Variants in PTPRT observed in about 807,000 individuals in gnomAD.
PTPRT encodes the protein receptor-type tyrosine-protein phosphatase T.
A neutral mutation model predicts 176.8 loss-of-function variants in PTPRT; 56 were observed. The ratio of observed to expected loss-of-function variants is 0.32; its 90% CI spans 0.26 to 0.40. The LOEUF is 0.40. PTPRT is among the 10% of genes least tolerant of loss of function. The pLI is 1.00. For synonymous variants in PTPRT, 783 were observed against 739.0 expected (o/e 1.06, Z -0.96); for missense variants, 1,540 against 1,908.2 (o/e 0.81, Z 3.60).
rs539323627 is a variant in PTPRT, at chr20:42,496,082, G to A, written c.1154-23520C>T. Among the ~76,000 whole-genome samples, 8 of 152,198 alleles carry A rather than the reference G, an allele frequency of 5.3e-5. No individual in the cohort carries two copies. The East Asian group carries it at 1.5e-3, about 29-fold the overall frequency. Reference sequence around the variant, plus strand: ...ATATTATTAGGGAAATCATAAAGAGGAGAAAATCTATTTACTATTCATTAA... The same window carrying A: ...ATATTATTAGGGAAATCATAAAGAGAAGAAAATCTATTTACTATTCATTAA... On this transcript the variant is annotated intron_variant, in intron 7 of 30. Coordinates refer to ENST00000373187, the MANE Select transcript of PTPRT (RefSeq NM_007050.6).
intron 8 of PTPRT, among the ~76,000 whole-genome samples, chr20:42,454,309 T>G (rs1370372060): frequency 6.6e-6 from 1 of 152,246 alleles, no homozygotes; most frequent in African/African-American, 2.4e-5. Context: ...AATACTTTTG[T>G]ATATTTGATT....
chr20:43,036,984 CT>C (rs1244959113), intron 1 of PTPRT, among the ~76,000 whole-genome samples: 2 of 152,156 alleles, frequency 1.3e-5, no homozygotes, highest in Non-Finnish European at 2.9e-5. Flanking sequence ...ATAGCTGGTT[CT>C]TTTCAAAAGA....
chr20:42,254,745 T>G (rs2056608519), intron 13 of PTPRT, among the ~76,000 whole-genome samples: 2 of 152,184 alleles, frequency 1.3e-5, no homozygotes, highest in Non-Finnish European at 2.9e-5. Flanking sequence ...GAGGTCATTA[T>G]GGTTCCAAAG....
At chr20:42,213,111 C>T (rs1310961546) in intron 15 of PTPRT, among the ~76,000 whole-genome samples, 5 of 152,166 alleles carry the variant, frequency 3.3e-5, no homozygotes, top group African/African-American at 4.8e-5. Flanking sequence ...CAGCAGCATC[C>T]GCTTCACCTG....
At chr20:42,039,214 T>C in the PTPRT span, among the ~76,000 whole-genome samples, 3 of 152,206 alleles carry the variant, frequency 2.0e-5, no homozygotes, top group South Asian at 2.1e-4. Context: ...AAAATGTTTA[T>C]TTTAATTGAC....
chr20:43,109,657 G>A (rs143129406), intron 1 of PTPRT, among the ~76,000 whole-genome samples: 1 of 152,062 alleles, frequency 6.6e-6, no homozygotes, highest in African/African-American at 2.4e-5. Context: ...CCAAGAAAAA[G>A]GAAATAAAGA....
Position 42,518,645 on chromosome 20 carries a change from G to T in PTPRT, c.1154-46083C>A, listed in dbSNP as rs143029902. ...TAATTCTTTGTGTGTGCGCACGTGC[G>T]TGAGTATGTGTATTGTCTTTCTTCC... is the stretch of plus-strand genomic sequence containing the variant. On this transcript the variant is annotated intron_variant, in intron 7 of 30. Coordinates refer to ENST00000373187, the MANE Select transcript of PTPRT (RefSeq NM_007050.6). Among the ~76,000 whole-genome samples the T allele has an allele frequency of 2.9e-3, 434 of 152,000 alleles. 3 individuals are homozygous for T. The highest frequency in any genetic ancestry group is 9.3e-3 in the African/African-American group (387 of 41,518).
intron 26 of PTPRT, among the ~76,000 whole-genome samples, chr20:42,100,750 ACATG>A (rs1190717451): frequency 2.0e-5 from 3 of 152,198 alleles, no homozygotes; most frequent in Non-Finnish European, 4.4e-5. Flanking sequence ...ACATACACAT[ACATG>A]CGCTCATTGA....
intron 1 of PTPRT, among the ~76,000 whole-genome samples, chr20:42,949,831 G>GA (rs1469847214): frequency 5.3e-5 from 8 of 152,130 alleles, no homozygotes; most frequent in Non-Finnish European, 1.2e-4. Context: ...ACCCTGGCCA[G>GA]AAAAAATCTC....
chr20:42,702,596 G>A (rs909300768), intron 6 of PTPRT, among the ~76,000 whole-genome samples: 2 of 152,168 alleles, frequency 1.3e-5, no homozygotes, highest in African/African-American at 4.8e-5. Context: ...CATAAACAGT[G>A]GCCGTCCAGC....
In PTPRT at chr20:42,511,313, A is replaced by C. The variant is rs1399409389; in HGVS notation, c.1154-38751T>G. On this transcript the variant is annotated intron_variant, in intron 7 of 30. Coordinates refer to ENST00000373187, the MANE Select transcript of PTPRT (RefSeq NM_007050.6). The stretch of plus-strand genomic sequence containing the variant: ...TTAACCTGTTCTGCAAATAATAATA[A>C]ACTCTTGATACAACAGACTTATCCT... 3.3e-5 allele frequency among the ~76,000 whole-genome samples: 5 copies of C among 152,132 alleles called. No individual in the cohort carries two copies. The South Asian group carries it at 8.3e-4, about 25-fold the overall frequency.
chr20:42,668,940 G>C (rs1208999034), intron 7 of PTPRT, among the ~76,000 whole-genome samples: 2 of 137,670 alleles, frequency 1.5e-5, no homozygotes, highest in Non-Finnish European at 3.0e-5. Context: ...TCGATCTCCT[G>C]ACCTCATGAT....
chr20:42,894,497 T>A (rs1337368990), intron 1 of PTPRT, among the ~76,000 whole-genome samples: 2 of 151,694 alleles, frequency 1.3e-5, no homozygotes, highest in African/African-American at 4.8e-5. Context: ...CCCAATTTTA[T>A]AGACAAAGAA....
At chr20:42,651,990 G>GTGAGC (rs2075039660) in intron 7 of PTPRT, among the ~76,000 whole-genome samples, 1 of 151,948 alleles carries the variant, frequency 6.6e-6, no homozygotes, top group African/African-American at 2.4e-5. Flanking sequence ...GGAGGTTGCA[G>GTGAGC]TGAGCCGAGA....
intron 8 of PTPRT, among the ~76,000 whole-genome samples, chr20:42,467,390 T>A (rs1197144170): frequency 2.0e-5 from 3 of 152,174 alleles, no homozygotes; most frequent in Non-Finnish European, 4.4e-5. Flanking sequence ...TCCCTGACAT[T>A]ATGAACTTCT....
chr20:42,284,440 C>T (rs2057194160), intron 12 of PTPRT, among the ~76,000 whole-genome samples: 1 of 152,048 alleles, frequency 6.6e-6, no homozygotes, highest in African/African-American at 2.4e-5. Context: ...TCATCACAGT[C>T]TCCACAAGCT....
chr20:42,536,991 T>C (rs2072488055), intron 7 of PTPRT, among the ~76,000 whole-genome samples: 1 of 152,168 alleles, frequency 6.6e-6, no homozygotes, highest in Admixed American at 6.5e-5. Flanking sequence ...AACCATGATA[T>C]ATCTCTTGTG....
Position 42,204,059 on chromosome 20 carries a change from G to A in PTPRT, c.2343-4671C>T, listed in dbSNP as rs530362999. 9.2e-4 allele frequency among the ~76,000 whole-genome samples: 140 copies of A among 152,288 alleles called. 3 individuals are homozygous for A. In the South Asian group the frequency reaches 0.028, roughly 31 times the overall value. ...TGCAATTTGGAGTCTAGAAAAGATA[G>A]TCCTCTTACTCTGAACACAAATTAC... On this transcript the variant is annotated intron_variant, in intron 15 of 30. Transcript: ENST00000373187.
intron 7 of PTPRT, among the ~76,000 whole-genome samples, chr20:42,652,674 C>T (rs1458773140): frequency 6.6e-6 from 1 of 152,152 alleles, no homozygotes; most frequent in African/African-American, 2.4e-5. Context: ...TATGGTGCCT[C>T]TGATAGCAGG....
Sources: allele counts gnomAD v4.1 joint callset (sites outside exome capture counted in the v4.1 genomes callset), GRCh38; gene constraint gnomAD v4.1.1; transcripts MANE v1.5; gene names NCBI Gene and HGNC (gene_info 2026-07-23, HGNC 2026-07-21).